The following CSMD1 variants were observed in gnomAD, a reference collection of about 807,000 sequenced individuals.
The protein encoded by CSMD1 is CUB and Sushi multiple domains 1, also known as CUB and sushi domain-containing protein 1.
A neutral mutation model predicts 417.5 loss-of-function variants in CSMD1; 213 were observed. The observed-to-expected ratio is 0.51, with a 90% CI of 0.46 to 0.57. The LOEUF (loss-of-function observed/expected upper bound fraction) is 0.57. Among genes scored for constraint, CSMD1 ranks in the 20% least tolerant of loss-of-function variants. The probability of loss-of-function intolerance (pLI) is 0.00; values close to 1 mark genes in which losing one functional copy is unlikely to be tolerated. For synonymous variants in CSMD1, 2,862 were observed against 1,736.8 expected (o/e 1.65, Z -16.11); for missense variants, 6,923 against 4,529.7 (o/e 1.53, Z -15.17).
chr8:4,755,858 C>A (rs1811634127), intron 1 of CSMD1, among the ~76,000 whole-genome samples: 1 of 152,252 alleles, frequency 6.6e-6, no homozygotes, highest in East Asian at 1.9e-4. Context: ...ACCACACCAA[C>A]CTGGTCCAAC....
intron 2 of CSMD1, among the ~76,000 whole-genome samples, chr8:4,437,358 G>T (rs7838256): frequency 0.028 from 4,265 of 152,198 alleles, 210 homozygotes; most frequent in African/African-American, 0.096. Flanking sequence ...TTAAGGTATT[G>T]CTAACATCCT....
chr8:4,361,294 G>T (rs1241182722), intron 3 of CSMD1, among the ~76,000 whole-genome samples: 1 of 152,106 alleles, frequency 6.6e-6, no homozygotes, highest in African/African-American at 2.4e-5. Flanking sequence ...AATAATACAA[G>T]ATAAAGAAAC....
rs779533075 is a variant in CSMD1 at position 3,396,215 on chromosome 8, C to A, written c.2572G>T (p.Gly858Cys). The change falls in exon 17 of 70, where the codon GGC becomes TGC. Residue 858 changes from glycine to cysteine, a missense_variant. Gly to Cys is a radical substitution (Grantham distance 159, BLOSUM62 -3). Coordinates refer to ENST00000635120, the MANE Select transcript of CSMD1 (RefSeq NM_033225.6). ...FTTDNSRSSI[G>C]FLIHYESVTL... Reference sequence around the variant, plus strand: ...TCACTCTCATAGTGGATGAGGAAGCCGATGCTGGAGCGGCTGTTGTCAGTG... The same window carrying A: ...TCACTCTCATAGTGGATGAGGAAGCAGATGCTGGAGCGGCTGTTGTCAGTG... 2 of 1,564,842 alleles carry A rather than the reference C, an allele frequency of 1.3e-6. No individual in the cohort carries two copies. Among genetic ancestry groups the A allele is most frequent in the African/African-American group, 2.7e-5 (2 of 73,766 alleles).
intron 52 of CSMD1, among the ~76,000 whole-genome samples, chr8:3,009,082 C>G (rs673180): frequency 6.6e-6 from 1 of 152,224 alleles, no homozygotes; most frequent in South Asian, 2.1e-4. Flanking sequence ...CCCATGACAG[C>G]GGACAGACCT....
At chr8:4,161,632 A>T (rs1414273141) in intron 3 of CSMD1, among the ~76,000 whole-genome samples, 2 of 152,190 alleles carry the variant, frequency 1.3e-5, no homozygotes, top group African/African-American at 4.8e-5. Flanking sequence ...AAATGTCAAA[A>T]GTTTAATGTG....
At chr8:4,146,936 C>G (rs978124637) in intron 3 of CSMD1, among the ~76,000 whole-genome samples, 2 of 151,808 alleles carry the variant, frequency 1.3e-5, no homozygotes, top group Non-Finnish European at 2.9e-5. Context: ...TTAAGGAAGT[C>G]AACTCACCTC....
chr8:3,331,237 C>CAAAAAAAAAAAAAAAAAAAAAAAAAAAAA (rs112278319), intron 23 of CSMD1, among the ~76,000 whole-genome samples: 25 of 128,494 alleles, frequency 1.9e-4, no homozygotes, highest in African/African-American at 7.3e-4. Flanking sequence ...GACTCCGTCT[C>CAAAAAAAAAAAAAAAAAAAAAAAAAAAAA]AAAAAAAAAA....
At chr8:4,188,935 G>T (rs113774293) in intron 3 of CSMD1, among the ~76,000 whole-genome samples, 3,690 of 152,144 alleles carry the variant, frequency 0.024, 153 homozygotes, top group African/African-American at 0.084. Flanking sequence ...CTCCCTCCAT[G>T]GTTTACTCAG....
chr8:3,661,497 G>A (rs944551655), intron 7 of CSMD1, among the ~76,000 whole-genome samples: 10 of 144,366 alleles, frequency 6.9e-5, no homozygotes, highest in Non-Finnish European at 1.2e-4. Context: ...CAATTAAACT[G>A]ATTTTTTTTT....
At chr8:4,066,848 A>C (rs1438473859) in intron 3 of CSMD1, among the ~76,000 whole-genome samples, 1 of 152,246 alleles carries the variant, frequency 6.6e-6, no homozygotes, top group Admixed American at 6.5e-5. Flanking sequence ...CACACACAGT[A>C]GCCTTGATCA....
intron 1 of CSMD1, among the ~76,000 whole-genome samples, chr8:4,783,238 G>A (rs1289818038): frequency 6.6e-6 from 1 of 152,154 alleles, no homozygotes; most frequent in Non-Finnish European, 1.5e-5. Flanking sequence ...AACATATCAT[G>A]ATGTCCACTG....
intron 3 of CSMD1, among the ~76,000 whole-genome samples, chr8:4,109,798 A>C (rs720399): frequency 3.3e-5 from 5 of 152,084 alleles, no homozygotes; most frequent in African/African-American, 1.2e-4. Flanking sequence ...CTGAGAGACT[A>C]AACAAAAAGG....
intron 1 of CSMD1, among the ~76,000 whole-genome samples, chr8:4,830,705 T>A (rs1268799365): frequency 6.6e-6 from 1 of 152,350 alleles, no homozygotes; most frequent in East Asian, 1.9e-4. Flanking sequence ...CAACACTGTA[T>A]TGCAACCCTG....
At chr8:4,819,303 C>T (rs572995821) in intron 1 of CSMD1, among the ~76,000 whole-genome samples, 76 of 152,042 alleles carry the variant, frequency 5.0e-4, no homozygotes, top group Non-Finnish European at 9.4e-4. Flanking sequence ...TATGATTTAC[C>T]AATTGTATTA....
chr8:4,856,519 C>T (rs1347503468), intron 1 of CSMD1, among the ~76,000 whole-genome samples: 1 of 138,870 alleles, frequency 7.2e-6, no homozygotes, highest in Non-Finnish European at 1.5e-5. Context: ...TTCAGGAAAC[C>T]CATCTCACGT....
Position 3,813,764 on chromosome 8 carries a change from C to G in CSMD1, c.819-59722G>C, listed in dbSNP as rs187509036. Reference sequence around the variant, plus strand: ...TCTGGAGGTATGAGGGATCAAGAAGCAACAGAAAATGATCTCACTCTATTA... The same window carrying G: ...TCTGGAGGTATGAGGGATCAAGAAGGAACAGAAAATGATCTCACTCTATTA... On this transcript the variant is annotated intron_variant, in intron 5 of 69. Transcript: ENST00000635120. 8.4e-3 allele frequency among the ~76,000 whole-genome samples: 1,286 copies of G among 152,198 alleles called. 28 individuals carry two copies. The highest frequency in any genetic ancestry group is 0.03 in the African/African-American group (1,250 of 41,532).
chr8:4,898,293 A>G (rs535620733), intron 1 of CSMD1, among the ~76,000 whole-genome samples: 36 of 152,160 alleles, frequency 2.4e-4, no homozygotes, highest in African/African-American at 8.4e-4. Flanking sequence ...TTCATTTTGT[A>G]TTTTTCCAAG....
At chr8:2,975,990 C>A (rs891873583) in intron 55 of CSMD1, among the ~76,000 whole-genome samples, 50 of 152,296 alleles carry the variant, frequency 3.3e-4, no homozygotes, top group African/African-American at 1.1e-3. Flanking sequence ...AAAAACAAAA[C>A]TAAACCAATT....
chr8:3,613,678 A>G (rs912234562), intron 8 of CSMD1, among the ~76,000 whole-genome samples: 2 of 150,022 alleles, frequency 1.3e-5, no homozygotes, highest in Non-Finnish European at 3.0e-5. Flanking sequence ...CTTTTGAAAA[A>G]ATTCCAAATT....
Sources: gnomAD v4.1 joint callset for allele counts (sites outside exome capture counted in the v4.1 genomes callset) on GRCh38, gnomAD v4.1.1 for gene constraint, MANE v1.5 for transcripts, NCBI Gene and HGNC (gene_info 2026-07-23, HGNC 2026-07-21) for gene names.